Variants in DOCK1 observed in about 807,000 individuals in gnomAD.
The protein encoded by DOCK1 is dedicator of cytokinesis 1.
A neutral mutation model predicts 262.7 loss-of-function variants in DOCK1; 138 were observed. The observed-to-expected ratio is 0.53, with a 90% CI of 0.46 to 0.61. DOCK1 has a LOEUF of 0.61. Among genes scored for constraint, DOCK1 ranks in the 20% least tolerant of loss-of-function variants. The probability of loss-of-function intolerance (pLI) is 0.00; values close to 1 mark genes in which losing one functional copy is unlikely to be tolerated. For synonymous variants in DOCK1, 866 were observed against 867.4 expected (o/e 1.00, Z 0.03); for missense variants, 1,908 against 2,370.7 (o/e 0.80, Z 4.05).
intron 27 of DOCK1, among the ~76,000 whole-genome samples, chr10:127,154,998 A>G (rs1159330): frequency 0.21 from 32,458 of 151,882 alleles, 4,178 homozygotes; most frequent in South Asian, 0.29. Flanking sequence ...TATTTTCTGG[A>G]TATTATTTTG....
intron 35 of DOCK1, 23 bp from the exon 36 acceptor site, chr10:127,380,059 A>G: frequency 6.9e-7 from 1 of 1,448,348 alleles, no homozygotes; most frequent in South Asian, 1.2e-5. Context: ...TTCTTAAAAC[A>G]GTATTATGGT....
At chr10:126,998,017 C>T (rs1377758943) in intron 7 of DOCK1, 75 bp from the exon 8 acceptor site, 6 of 1,563,314 alleles carry the variant, frequency 3.8e-6, no homozygotes, top group Non-Finnish European at 5.2e-6. Flanking sequence ...ATTTTCTATT[C>T]TGTAGGGAAT....
intron 31 of DOCK1, among the ~76,000 whole-genome samples, chr10:127,353,488 A>G (rs1334403435): frequency 1.3e-5 from 2 of 152,002 alleles, no homozygotes; most frequent in Non-Finnish European, 2.9e-5. Context: ...TTCCCCAACC[A>G]TGGACGGGCC....
intron 12 of DOCK1, among the ~76,000 whole-genome samples, chr10:127,017,190 T>TGCAC (rs2042033982): frequency 1.3e-5 from 2 of 148,936 alleles, no homozygotes; most frequent in Non-Finnish European, 1.5e-5. Context: ...ACACCACACA[T>TGCAC]ACACACGCAC....
At chr10:127,447,583 C>T (rs1349008737) in intron 51 of DOCK1, 38 bp downstream of exon 51, 6 of 1,607,982 alleles carry the variant, frequency 3.7e-6, no homozygotes, top group East Asian at 4.5e-5. Flanking sequence ...TTCATTGCTT[C>T]GCCTCCACAA....
At chr10:127,019,459 C>T (rs545983240) in intron 13 of DOCK1, among the ~76,000 whole-genome samples, 8 of 152,194 alleles carry the variant, frequency 5.3e-5, no homozygotes, top group East Asian at 3.9e-4. Flanking sequence ...GTAATGCTTA[C>T]GTGGCTTGGC....
intron 27 of DOCK1, chr10:127,137,675 A>C: frequency 1.8e-6 from 1 of 562,704 alleles, no homozygotes; most frequent in East Asian, 2.7e-5. Context: ...TGCTTCTGTT[A>C]ATTATCTATT....
At chr10:126,948,653 T>C (rs1455074370) in intron 1 of DOCK1, among the ~76,000 whole-genome samples, 2 of 151,878 alleles carry the variant, frequency 1.3e-5, no homozygotes, top group African/African-American at 4.8e-5. Context: ...CAGGGTCAGG[T>C]ATGCTGAGCC....
intron 7 of DOCK1, 149 bp from the exon 8 acceptor site, chr10:126,997,943 G>C: frequency 1.0e-6 from 1 of 964,608 alleles, no homozygotes; most frequent in Non-Finnish European, 1.5e-6. Flanking sequence ...TTAAGAATGT[G>C]CAGGGGAGAT....
chr10:127,103,028 T>C (rs1180265081), intron 23 of DOCK1, among the ~76,000 whole-genome samples: 1 of 152,206 alleles, frequency 6.6e-6, no homozygotes, highest in African/African-American at 2.4e-5. Flanking sequence ...TTCCAGAATG[T>C]TATGAAAATT....
At chr10:127,395,993 G>A (rs2066806987) in intron 38 of DOCK1, among the ~76,000 whole-genome samples, 2 of 152,042 alleles carry the variant, frequency 1.3e-5, no homozygotes, top group Non-Finnish European at 2.9e-5. Flanking sequence ...GAGCAGTCCT[G>A]TGCAGGGCAT....
At chr10:127,212,584 C>T (rs558942745) in intron 27 of DOCK1, among the ~76,000 whole-genome samples, 10 of 152,106 alleles carry the variant, frequency 6.6e-5, no homozygotes, top group Admixed American at 2.0e-4. Context: ...AGGGAGCCTG[C>T]GTGAGTTAAG....
At chr10:127,090,799 G>A (rs2047475670) in intron 23 of DOCK1, among the ~76,000 whole-genome samples, 1 of 151,988 alleles carries the variant, frequency 6.6e-6, no homozygotes, top group South Asian at 2.1e-4. Flanking sequence ...ATATTCTCAG[G>A]GTTCATCCAT....
intron 22 of DOCK1, 71 bp from the exon 23 acceptor site, chr10:127,061,597 C>A: frequency 1.6e-6 from 2 of 1,282,794 alleles, no homozygotes; most frequent in South Asian, 1.3e-5. Context: ...CCCTTCATGG[C>A]TATAGACATG....
rs781297377 is a variant in DOCK1 at position 127,381,326 on chromosome 10, C to T, written c.3765C>T (p.Thr1255=). Residue 1255 remains threonine, a synonymous_variant, in exon 37 of 52, where the codon ACC becomes ACT. Coordinates refer to ENST00000623213, the MANE Select transcript of DOCK1 (RefSeq NM_001290223.2). ...TGCACAAGGAGTGTGATAACTACAC[C>T]GAAGCGGCTTACACCTTGCTTCTCC... ...CDLHKECDNY[T]EAAYTLLLHA... is the part of the protein sequence containing the mutation. 4.7e-5 allele frequency: 75 copies of T among 1,612,864 alleles called. No individual in the cohort carries two copies. Among genetic ancestry groups the T allele is most frequent in the South Asian group, 9.9e-5 (9 of 90,890 alleles).
At chr10:126,962,412 G>T (rs2037301276) in intron 1 of DOCK1, among the ~76,000 whole-genome samples, 1 of 152,174 alleles carries the variant, frequency 6.6e-6, no homozygotes, top group Admixed American at 6.6e-5. Flanking sequence ...ACCCACCTTG[G>T]CCTCCCAAAG....
intron 48 of DOCK1, among the ~76,000 whole-genome samples, chr10:127,435,236 T>C (rs1440126837): frequency 6.6e-6 from 1 of 152,184 alleles, no homozygotes; most frequent in Non-Finnish European, 1.5e-5. Flanking sequence ...CCTCTAATTG[T>C]TTTACTGCTG....
chr10:127,123,883 A>G (rs1324862786), intron 25 of DOCK1, among the ~76,000 whole-genome samples: 1 of 152,180 alleles, frequency 6.6e-6, no homozygotes, highest in East Asian at 1.9e-4. Flanking sequence ...CACGTCATAC[A>G]TTTCTTCTGC....
chr10:126,949,796 T>C (rs2036029748), intron 1 of DOCK1, among the ~76,000 whole-genome samples: 1 of 152,088 alleles, frequency 6.6e-6, no homozygotes, highest in Non-Finnish European at 1.5e-5. Context: ...TTGTGACTTT[T>C]GTTTTGACAT....
Sources: allele counts gnomAD v4.1 joint callset (sites outside exome capture counted in the v4.1 genomes callset), GRCh38; gene constraint gnomAD v4.1.1; transcripts MANE v1.5; gene names NCBI Gene and HGNC (gene_info 2026-07-23, HGNC 2026-07-21).